Variants in SYBU observed in about 807,000 individuals in gnomAD.
SYBU encodes syntabulin, also known as GOLSYN A protein.
A neutral mutation model predicts 35.9 loss-of-function variants in SYBU; 21 were observed. That is an observed-to-expected ratio of 0.58 (90% CI 0.41 to 0.84). The LOEUF (loss-of-function observed/expected upper bound fraction) is 0.84, where lower values mean the gene tolerates loss of function less well. Among genes scored for constraint, SYBU ranks in the 40% least tolerant of loss-of-function variants. SYBU has a pLI of 0.00. For missense variants in SYBU, 768 were observed against 848.2 expected, an observed-to-expected ratio of 0.91 and a Z score of 1.17; for synonymous variants, 319 against 324.3, an observed-to-expected ratio of 0.98 and a Z score of 0.18.
chr8:109,610,065 A>G (rs997311285), intron 3 of SYBU, among the ~76,000 whole-genome samples: 2 of 151,928 alleles, frequency 1.3e-5, no homozygotes, highest in South Asian at 2.1e-4. Flanking sequence ...TTCCTAACTC[A>G]CCGCTCTGCC....
At chr8:109,658,026 G>A (rs933632721) in intron 1 of SYBU, among the ~76,000 whole-genome samples, 1 of 152,150 alleles carries the variant, frequency 6.6e-6, no homozygotes, top group African/African-American at 2.4e-5. Context: ...CACTATCTGT[G>A]GGTTTCTTTC....
chr8:109,691,441 C>T lies in SYBU; in HGVS notation c.-166G>A, dbSNP rs1817643527. On this transcript the variant is annotated 5_prime_UTR_variant, in exon 1 of 8. Transcript: ENST00000422135. The surrounding 1 kb of genome is among the most constrained non-coding windows in gnomAD (Gnocchi z 4.7). ...GGGTGCCGGTGCGGACGGGACCCCG[C>T]GTCGCTGCTGGTTTGCGCTCAGGCC... 1 of 663,324 alleles carries T rather than the reference C, an allele frequency of 1.5e-6. No individual in the cohort carries two copies. The highest frequency in any genetic ancestry group is 2.7e-6 in the Non-Finnish European group (1 of 368,882). 41.1% of individuals were successfully genotyped at this position (663,324 alleles called of 1,614,324 possible). A position where few individuals can be genotyped will look rare whatever the true frequency, so the allele number is the denominator to read the frequency against.
intron 3 of SYBU, among the ~76,000 whole-genome samples, chr8:109,612,376 T>C (rs1217681728): frequency 6.6e-6 from 1 of 152,228 alleles, no homozygotes; most frequent in Non-Finnish European, 1.5e-5. Flanking sequence ...TGAAATAGCT[T>C]ACAGCCTGTA....
chr8:109,644,838 G>T, upstream of SYBU: 1 of 581,534 alleles, frequency 1.7e-6, no homozygotes, highest in Non-Finnish European at 2.8e-6. Context: ...CCGAGGGCAC[G>T]CCCGACCCCG....
At chr8:109,658,830 T>TCA (rs1816454838) in intron 1 of SYBU, among the ~76,000 whole-genome samples, 1 of 152,102 alleles carries the variant, frequency 6.6e-6, no homozygotes, top group South Asian at 2.1e-4. Context: ...GGCGCACGCC[T>TCA]GTAATCCCAG....
rs1037294998 is a variant in SYBU at position 109,644,656 on chromosome 8, C to T, written c.4G>A (p.Gly2Arg). 2 of 1,525,818 alleles carry T rather than the reference C, an allele frequency of 1.3e-6. No individual in the cohort carries two copies. The highest frequency in any genetic ancestry group is 1.4e-5 in the African/African-American group (1 of 70,542). The allele number at this position is 1,525,818 out of a possible 1,614,324, so 94.5% of individuals were successfully genotyped here. A position where few individuals can be genotyped will look rare whatever the true frequency, so the allele number is the denominator to read the frequency against. The stretch of plus-strand genomic sequence containing the variant: ...CTTACCTTGCTCTCGCGGAGGGGCC[C>T]CATCGCGCCGCTGCCCGCCGGCTCC... MGPLRESKKEHR... is the reference protein window; with the variant it reads MRPLRESKKEHR... The change falls in exon 1 of 7, where the codon GGG (glycine) becomes AGG (arginine). Residue 2 changes from glycine (G) to arginine (R), a missense_variant. Gly to Arg is a moderately radical substitution (Grantham distance 125). Coordinates refer to ENST00000276646, the MANE Select transcript of SYBU (RefSeq NM_001099754.2).
At chr8:109,592,792 C>A (rs551948533) in intron 3 of SYBU, among the ~76,000 whole-genome samples, 40 of 152,276 alleles carry the variant, frequency 2.6e-4, no homozygotes, top group African/African-American at 8.2e-4. Flanking sequence ...TTTAACTTAT[C>A]TAAGCCTTAC....
intron 1 of SYBU, among the ~76,000 whole-genome samples, chr8:109,668,983 A>G (rs1020922110): frequency 6.6e-6 from 1 of 152,198 alleles, no homozygotes; most frequent in Non-Finnish European, 1.5e-5. Context: ...GGAGACATTG[A>G]AAGCAGCAAA....
chr8:109,608,752 C>A (rs61130870), intron 3 of SYBU, among the ~76,000 whole-genome samples: 22,059 of 152,122 alleles, frequency 0.15, 2,221 homozygotes, highest in African/African-American at 0.27. Context: ...GTAAACTTTT[C>A]TTATTTCCCA....
At chr8:109,621,802 G>A (rs1407557791) in intron 2 of SYBU, among the ~76,000 whole-genome samples, 1 of 152,136 alleles carries the variant, frequency 6.6e-6, no homozygotes, top group Non-Finnish European at 1.5e-5. Context: ...TTTGTCTAAT[G>A]CACCCGACAC....
chr8:109,629,273 T>C (rs964255124), intron 2 of SYBU, among the ~76,000 whole-genome samples: 3 of 152,206 alleles, frequency 2.0e-5, no homozygotes, highest in African/African-American at 7.2e-5. Context: ...AAATCAGTGA[T>C]AATATATCTA....
chr8:109,658,862 G>A (rs1228045088), intron 1 of SYBU, among the ~76,000 whole-genome samples: 3 of 152,094 alleles, frequency 2.0e-5, no homozygotes, highest in African/African-American at 7.2e-5. Flanking sequence ...ACTGAGGCAG[G>A]AGAATCGCTT....
intron 2 of SYBU, among the ~76,000 whole-genome samples, chr8:109,637,365 C>A (rs900860053): frequency 6.6e-6 from 1 of 152,172 alleles, no homozygotes; most frequent in African/African-American, 2.4e-5. Flanking sequence ...TTACTTTTCA[C>A]CATTCCTACT....
rs116108418 is a variant in SYBU, at chr8:109,632,802, T to C, written c.229+9926A>G. 8.1e-3 allele frequency among the ~76,000 whole-genome samples: 1,232 copies of C among 152,260 alleles called. 9 individuals carry two copies. Among genetic ancestry groups the C allele is most frequent in the African/African-American group, 0.028 (1,175 of 41,542 alleles). On this transcript the variant is annotated intron_variant, in intron 2 of 6. Transcript: ENST00000276646. Reference sequence around the variant, plus strand: ...TGTTTGAATAAATTATGGTCCTCTGTAGAGTGACACGCCACGCTGTCATTA... The same window carrying C: ...TGTTTGAATAAATTATGGTCCTCTGCAGAGTGACACGCCACGCTGTCATTA...
At chr8:109,576,870 T>A (rs1462291894) in intron 6 of SYBU, among the ~76,000 whole-genome samples, 1 of 152,220 alleles carries the variant, frequency 6.6e-6, no homozygotes, top group African/African-American at 2.4e-5. Context: ...TCAATATTGC[T>A]CATTTAAGTT....
At chr8:109,656,192 T>C (rs1168508933) in intron 1 of SYBU, among the ~76,000 whole-genome samples, 1 of 152,188 alleles carries the variant, frequency 6.6e-6, no homozygotes, top group Non-Finnish European at 1.5e-5. Flanking sequence ...CAAGAGAGTA[T>C]TAGAAAACTT....
At position 109,670,387 on chromosome 8, in the gene SYBU, A is replaced by T. The variant is rs574410145; in HGVS notation, c.-129+10324T>A. Among the ~76,000 whole-genome samples the T allele has an allele frequency of 5.9e-5, 9 of 151,802 alleles. No individual in the cohort carries two copies. In the East Asian group the frequency reaches 7.7e-4, roughly 13 times the overall value. ...ACATTAGGTATATCTAAAAAAAAAT[A>T]AAAAAATAAAAAATAAAATTTTAAC... On this transcript the variant is annotated intron_variant, in intron 1 of 5. Transcript: ENST00000408889.
upstream of SYBU, among the ~76,000 whole-genome samples, chr8:109,683,492 C>G (rs1170164327): frequency 1.3e-5 from 2 of 152,160 alleles, no homozygotes; most frequent in Middle Eastern, 3.2e-3. Flanking sequence ...GCCTGTACCC[C>G]CATTGTATCT....
At chr8:109,630,864 C>A (rs1312289639) in intron 2 of SYBU, among the ~76,000 whole-genome samples, 1 of 152,178 alleles carries the variant, frequency 6.6e-6, no homozygotes, top group Non-Finnish European at 1.5e-5. Context: ...TTGAAAGACA[C>A]AGGCCTGGAT....
Sources: gnomAD v4.1 joint callset for allele counts (sites outside exome capture counted in the v4.1 genomes callset) on GRCh38, gnomAD v4.1.1 for gene constraint, Gnocchi (gnomAD v3.1) non-coding constraint, MANE v1.5 for transcripts, NCBI Gene and HGNC (gene_info 2026-07-23, HGNC 2026-07-21) for gene names.